DNER: variants seen among roughly 807,000 people sequenced by gnomAD.
The protein encoded by DNER is delta and Notch-like epidermal growth factor-related receptor.
A neutral mutation model predicts 78.2 loss-of-function variants in DNER; 33 were observed. The observed-to-expected ratio is 0.42, with a 90% CI of 0.32 to 0.56. The LOEUF (loss-of-function observed/expected upper bound fraction) is 0.56. DNER is among the 20% of genes least tolerant of loss of function. The probability of loss-of-function intolerance (pLI) is 0.11; values close to 1 mark genes in which losing one functional copy is unlikely to be tolerated. For synonymous variants in DNER, 417 were observed against 384.8 expected, an observed-to-expected ratio of 1.08 and a Z score of -0.98; for missense variants, 918 against 975.3, an observed-to-expected ratio of 0.94 and a Z score of 0.78.
At chr2:229,668,559 T>C (rs559659282) in intron 1 of DNER, among the ~76,000 whole-genome samples, 1 of 126,640 alleles carries the variant, frequency 7.9e-6, no homozygotes, top group Non-Finnish European at 1.6e-5. Flanking sequence ...TATATATATA[T>C]ATATATATAT....
intron 1 of DNER, among the ~76,000 whole-genome samples, chr2:229,665,133 T>C (rs1699067667): frequency 6.6e-6 from 1 of 152,104 alleles, no homozygotes; most frequent in African/African-American, 2.4e-5. Context: ...CTGAGGAGAA[T>C]GCCCACCTAG....
chr2:229,544,875 A>G (rs1696589745), intron 5 of DNER, among the ~76,000 whole-genome samples: 1 of 152,208 alleles, frequency 6.6e-6, no homozygotes, highest in African/African-American at 2.4e-5. Flanking sequence ...TACAGCTAAC[A>G]GGAAAGTCAC....
chr2:229,429,273 ACT>A (rs933628449), intron 8 of DNER, among the ~76,000 whole-genome samples: 1 of 152,136 alleles, frequency 6.6e-6, no homozygotes, highest in Non-Finnish European at 1.5e-5. Flanking sequence ...ACTTTTTGTA[ACT>A]CAGTATTGAG....
At chr2:229,634,097 C>G (rs1452762149) in intron 1 of DNER, among the ~76,000 whole-genome samples, 1 of 152,120 alleles carries the variant, frequency 6.6e-6, no homozygotes, top group Non-Finnish European at 1.5e-5. Context: ...CCATGCACAG[C>G]CTATGGAAAT....
chr2:229,620,050 A>C (rs768295848), intron 1 of DNER, among the ~76,000 whole-genome samples: 1 of 152,186 alleles, frequency 6.6e-6, no homozygotes, highest in Non-Finnish European at 1.5e-5. Flanking sequence ...GTTTCTTCGC[A>C]CTTGAGAAAG....
chr2:229,402,387 A>G (rs917984172), intron 10 of DNER, among the ~76,000 whole-genome samples: 2 of 152,256 alleles, frequency 1.3e-5, no homozygotes, highest in African/African-American at 4.8e-5. Flanking sequence ...CACATGAAAG[A>G]TGCTGAGCAT....
chr2:229,613,053 A>C (rs1286246457), intron 1 of DNER, among the ~76,000 whole-genome samples: 1 of 152,226 alleles, frequency 6.6e-6, no homozygotes, highest in East Asian at 1.9e-4. Flanking sequence ...TCGCATTGTA[A>C]AATGTCCAAC....
At chr2:229,498,368 G>C (rs1470668623) in intron 6 of DNER, among the ~76,000 whole-genome samples, 1 of 152,120 alleles carries the variant, frequency 6.6e-6, no homozygotes, top group South Asian at 2.1e-4. Flanking sequence ...GATCAGGAAT[G>C]AGTGGCCCAC....
At position 229,400,552 on chromosome 2, in the gene DNER, C is replaced by A. The variant is rs555111659; in HGVS notation, c.1723+6680G>T. On this transcript the variant is annotated intron_variant, in intron 10 of 12. Coordinates refer to ENST00000341772, the MANE Select transcript of DNER (RefSeq NM_139072.4). ...TTTAAAAAACAAAACAAAAAATTAG[C>A]CACAAAACAAAAAATTAACCACATT... Among the ~76,000 whole-genome samples, 368 of 151,976 alleles carry A rather than the reference C, an allele frequency of 2.4e-3. 1 individual carries two copies. Among genetic ancestry groups the A allele is most frequent in the African/African-American group, 8.5e-3 (353 of 41,478 alleles).
At chr2:229,380,590 A>G (rs1447337559) in intron 11 of DNER, among the ~76,000 whole-genome samples, 1 of 152,176 alleles carries the variant, frequency 6.6e-6, no homozygotes, top group Admixed American at 6.6e-5. Flanking sequence ...TAAGAAGACA[A>G]TACCTTTCAA....
intron 1 of DNER, among the ~76,000 whole-genome samples, chr2:229,666,575 C>T (rs1006035059): frequency 3.9e-5 from 6 of 152,054 alleles, no homozygotes; most frequent in Admixed American, 2.0e-4. Flanking sequence ...TGAATTCATC[C>T]GTAGAGATTC....
intron 10 of DNER, among the ~76,000 whole-genome samples, chr2:229,405,958 T>A (rs1693371598): frequency 1.3e-5 from 2 of 152,192 alleles, no homozygotes; most frequent in South Asian, 4.1e-4. Context: ...TCTGCGTGTG[T>A]TTATAAGCAA....
intron 1 of DNER, among the ~76,000 whole-genome samples, chr2:229,693,536 G>T (rs1355329497): frequency 1.3e-5 from 2 of 152,122 alleles, no homozygotes; most frequent in African/African-American, 2.4e-5. Context: ...GACTTGTTAA[G>T]TGGCTTTGAC....
chr2:229,441,837 T>G (rs1181074398), intron 8 of DNER, among the ~76,000 whole-genome samples: 1 of 152,226 alleles, frequency 6.6e-6, no homozygotes, highest in Non-Finnish European at 1.5e-5. Context: ...ATGGCCCAGC[T>G]GTAAGCATCA....
intron 1 of DNER, among the ~76,000 whole-genome samples, chr2:229,684,704 G>C (rs1699455147): frequency 6.6e-6 from 1 of 152,178 alleles, no homozygotes; most frequent in African/African-American, 2.4e-5. Context: ...CACTCATCCA[G>C]TGAGGGGGCA....
chr2:229,405,261 T>C (rs962356537), intron 10 of DNER, among the ~76,000 whole-genome samples: 1 of 152,198 alleles, frequency 6.6e-6, no homozygotes, highest in African/African-American at 2.4e-5. Context: ...AGTATTTGTG[T>C]CAAGACAAGG....
chr2:229,679,723 C>T (rs996237784), intron 1 of DNER, among the ~76,000 whole-genome samples: 2 of 152,202 alleles, frequency 1.3e-5, no homozygotes, highest in African/African-American at 4.8e-5. Context: ...TTCCTCTGTC[C>T]TCACATTTAC....
Position 229,407,214 on chromosome 2 carries a change from G to C in DNER, c.1723+18C>G. On this transcript the variant is annotated intron_variant, in intron 10 of 12. Transcript: ENST00000341772. ...ACTTTGTGGTAAATTTGAAAACTCAGTCCCTGGAATCACTTGCCTGTAAAC... is the reference window on the plus strand; with the variant it reads ...ACTTTGTGGTAAATTTGAAAACTCACTCCCTGGAATCACTTGCCTGTAAAC... The C allele has an allele frequency of 6.3e-7, 1 of 1,591,954 alleles. No individual in the cohort carries two copies. The highest frequency in any genetic ancestry group is 8.6e-7 in the Non-Finnish European group (1 of 1,162,820).
At chr2:229,388,232 A>G (rs1466690452) in intron 11 of DNER, 33 bp downstream of exon 11, 2 of 1,585,282 alleles carry the variant, frequency 1.3e-6, no homozygotes, top group Non-Finnish European at 1.7e-6. Flanking sequence ...TATAAATGTT[A>G]AATAACAGTG....
Sources: gnomAD v4.1 joint callset for allele counts (sites outside exome capture counted in the v4.1 genomes callset) on GRCh38, gnomAD v4.1.1 for gene constraint, MANE v1.5 for transcripts, NCBI Gene and HGNC (gene_info 2026-07-23, HGNC 2026-07-21) for gene names.